CNTN5: variants seen among roughly 807,000 people sequenced by gnomAD.
CNTN5 encodes the protein contactin 5.
A neutral mutation model predicts 129.1 loss-of-function variants in CNTN5; 77 were observed. The observed-to-expected ratio is 0.60, with a 90% confidence interval of 0.50 to 0.72. CNTN5 has a LOEUF of 0.72. CNTN5 is among the 30% of genes least tolerant of loss of function. CNTN5 has a pLI of 0.00. For synonymous variants in CNTN5, 509 were observed against 465.6 expected (o/e 1.09, Z -1.20); for missense variants, 1,478 against 1,328.8 (o/e 1.11, Z -1.75).
intron 2 of CNTN5, among the ~76,000 whole-genome samples, chr11:99,471,287 C>G (rs1221039580): frequency 6.6e-6 from 1 of 152,058 alleles, no homozygotes; most frequent in Non-Finnish European, 1.5e-5. Context: ...CAAACCCAAT[C>G]AAACAATATA....
chr11:99,614,745 A>G (rs657142), intron 3 of CNTN5, among the ~76,000 whole-genome samples: 147,968 of 152,244 alleles, frequency 0.97, 72,045 homozygotes, highest in East Asian at 1. Context: ...GAACTGATGG[A>G]AAGTAACCCT....
At chr11:99,319,790 T>C (rs1018296954) in intron 1 of CNTN5, among the ~76,000 whole-genome samples, 1 of 152,140 alleles carries the variant, frequency 6.6e-6, no homozygotes, top group Non-Finnish European at 1.5e-5. Context: ...AACTTTGAAG[T>C]AGGCCGACAG....
intron 1 of CNTN5, among the ~76,000 whole-genome samples, chr11:99,224,845 T>A (rs1317238001): frequency 6.6e-6 from 1 of 151,806 alleles, no homozygotes; most frequent in African/African-American, 2.4e-5. Flanking sequence ...TAACAACCCA[T>A]CCCTTGGGTC....
At chr11:100,313,703 A>G (rs1382568665) in intron 21 of CNTN5, among the ~76,000 whole-genome samples, 1 of 151,982 alleles carries the variant, frequency 6.6e-6, no homozygotes, top group East Asian at 1.9e-4. Context: ...ATTTCAAGAG[A>G]AGAGGAGAGA....
At chr11:99,270,098 C>T (rs1196378010) in intron 1 of CNTN5, among the ~76,000 whole-genome samples, 2 of 151,758 alleles carry the variant, frequency 1.3e-5, no homozygotes, top group East Asian at 2.0e-4. Context: ...TCATTTTAAC[C>T]CTACTCCACC....
intron 2 of CNTN5, among the ~76,000 whole-genome samples, chr11:99,325,731 T>C (rs1865758273): frequency 6.6e-6 from 1 of 152,198 alleles, no homozygotes; most frequent in South Asian, 2.1e-4. Flanking sequence ...AAATATTTGT[T>C]CTTACTAATT....
chr11:100,204,935 T>C (rs1361081244), intron 15 of CNTN5, among the ~76,000 whole-genome samples: 1 of 152,034 alleles, frequency 6.6e-6, no homozygotes, highest in Non-Finnish European at 1.5e-5. Flanking sequence ...AATAAGGCCC[T>C]GAATACTGGA....
Position 99,916,111 on chromosome 11 carries a change from G to A in CNTN5, c.635G>A (p.Gly212Asp). The A allele has an allele frequency of 6.2e-7, 1 of 1,612,476 alleles. No homozygotes were observed. Among genetic ancestry groups the A allele is most frequent in the Non-Finnish European group, 8.5e-7 (1 of 1,179,226 alleles). ...RSAVSVREGQ[G>D]VVLMCSPPPH... Reference sequence around the variant, plus strand: ...GCAGTCTCTGTGAGGGAAGGCCAGGGTGTCGTTCTGATGTGCTCTCCTCCG... The same window carrying A: ...GCAGTCTCTGTGAGGGAAGGCCAGGATGTCGTTCTGATGTGCTCTCCTCCG... Residue 212 changes from glycine (G) to aspartate (D), a missense_variant, in exon 7 of 25, where the codon GGT (glycine) becomes GAT (aspartate). By Grantham distance (94) the Gly-to-Asp change is moderately conservative. Transcript: ENST00000524871.
intron 2 of CNTN5, among the ~76,000 whole-genome samples, chr11:99,393,860 C>T (rs1339545198): frequency 6.6e-6 from 1 of 151,590 alleles, no homozygotes; most frequent in Non-Finnish European, 1.5e-5. Context: ...GATTAGTGGG[C>T]ACACACTAAA....
chr11:99,029,287 C>T (rs1379373700), intron 1 of CNTN5, among the ~76,000 whole-genome samples: 1 of 151,580 alleles, frequency 6.6e-6, no homozygotes, highest in Non-Finnish European at 1.5e-5. Flanking sequence ...ATCTTTAGAA[C>T]ATCAGCATTT....
At chr11:99,954,423 G>A (rs967012960) in intron 7 of CNTN5, among the ~76,000 whole-genome samples, 5 of 152,128 alleles carry the variant, frequency 3.3e-5, no homozygotes, top group African/African-American at 7.2e-5. Context: ...CTTCTGAAAT[G>A]AATGCTACTA....
At chr11:99,510,287 A>G (rs1489347244) in intron 2 of CNTN5, among the ~76,000 whole-genome samples, 1 of 152,092 alleles carries the variant, frequency 6.6e-6, no homozygotes, top group African/African-American at 2.4e-5. Flanking sequence ...TGAAAGATTT[A>G]TCTGTTGTTA....
chr11:100,255,786 A>G lies in CNTN5; in HGVS notation c.2032A>G (p.Ile678Val), dbSNP rs1479770455. The part of the protein sequence containing the change: ...RGPPGPPGIV[I>V]VEEITESTAT... ...ACCCCCAGGCCCACCTGGGATAGTAATTGTTGAGGAAATAACCGAAAGTAC... is the reference window on the plus strand; with the variant it reads ...ACCCCCAGGCCCACCTGGGATAGTAGTTGTTGAGGAAATAACCGAAAGTAC... Residue 678 changes from isoleucine (I) to valine (V), a missense_variant, in exon 17 of 25, where the codon ATT becomes GTT. By Grantham distance (29) the Ile-to-Val change is conservative. Coordinates refer to ENST00000524871, the MANE Select transcript of CNTN5 (RefSeq NM_014361.4). The G allele has an allele frequency of 1.2e-6, 2 of 1,613,856 alleles. No individual in the cohort carries two copies. Among genetic ancestry groups the G allele is most frequent in the Non-Finnish European group, 1.7e-6 (2 of 1,179,812 alleles).
In CNTN5 at chr11:99,282,081, G is replaced by A. The variant is rs1217288189; in HGVS notation, c.-209-43265G>A. Among the ~76,000 whole-genome samples, 7 of 151,890 alleles carry A rather than the reference G, an allele frequency of 4.6e-5. 1 individual carries two copies. The highest frequency in any genetic ancestry group is 1.9e-4 in the East Asian group (1 of 5,172). ...ATGATTCTGAGAAAAACAGGTCCCC[G>A]TTGGTATTGTCTGCTCTGGTGTTTA... On this transcript the variant is annotated intron_variant, in intron 1 of 24. Coordinates refer to ENST00000524871, the MANE Select transcript of CNTN5 (RefSeq NM_014361.4).
intron 3 of CNTN5, among the ~76,000 whole-genome samples, chr11:99,772,030 C>T (rs951661405): frequency 6.7e-6 from 1 of 149,598 alleles, no homozygotes; most frequent in South Asian, 2.1e-4. Context: ...AAAGAAAGTA[C>T]AAATGCTTTG....
chr11:99,392,916 C>T (rs1326522113), intron 2 of CNTN5, among the ~76,000 whole-genome samples: 1 of 151,830 alleles, frequency 6.6e-6, no homozygotes, highest in East Asian at 1.9e-4. Flanking sequence ...ATTCAATTCA[C>T]TATAAAATGA....
chr11:100,231,704 G>A (rs764240221), intron 16 of CNTN5, among the ~76,000 whole-genome samples: 2 of 152,196 alleles, frequency 1.3e-5, no homozygotes, highest in Non-Finnish European at 2.9e-5. Flanking sequence ...GTGGAGATAA[G>A]TGGATTTGTA....
intron 7 of CNTN5, among the ~76,000 whole-genome samples, chr11:99,951,184 C>T (rs1950664834): frequency 6.6e-6 from 1 of 151,524 alleles, no homozygotes; most frequent in African/African-American, 2.4e-5. Flanking sequence ...TTTTGAAGTC[C>T]ATGGTCTTAC....
intron 2 of CNTN5, among the ~76,000 whole-genome samples, chr11:99,421,817 A>G (rs1467869221): frequency 6.6e-6 from 1 of 152,136 alleles, no homozygotes; most frequent in Non-Finnish European, 1.5e-5. Context: ...TTCACTGCCT[A>G]TTAACTTTGC....
Sources: gnomAD v4.1 joint callset for allele counts (sites outside exome capture counted in the v4.1 genomes callset) on GRCh38, gnomAD v4.1.1 for gene constraint, MANE v1.5 for transcripts, NCBI Gene and HGNC (gene_info 2026-07-23, HGNC 2026-07-21) for gene names.